The following HHAT variants were observed in gnomAD, a reference collection of about 807,000 sequenced individuals.
The protein encoded by HHAT is hedgehog acyltransferase, also known as protein-cysteine N-palmitoyltransferase HHAT.
HHAT carries 47 observed loss-of-function variants against 70.8 expected under a neutral mutation model. That is an observed-to-expected ratio of 0.66 (90% CI 0.53 to 0.85). The LOEUF (loss-of-function observed/expected upper bound fraction) is 0.85. Ranked by LOEUF, HHAT falls within the 40% of genes least tolerant of loss-of-function variation. The pLI is 0.00. For synonymous variants in HHAT, 228 were observed against 247.6 expected (o/e 0.92, Z 0.74); for missense variants, 609 against 604.8 (o/e 1.01, Z -0.07).
intron 1 of HHAT, among the ~76,000 whole-genome samples, chr1:210,340,563 C>T (rs1214518720): frequency 6.6e-6 from 1 of 152,154 alleles, no homozygotes. Flanking sequence ...TTCAATTTTA[C>T]TCTTATCTCT....
intron 7 of HHAT, among the ~76,000 whole-genome samples, chr1:210,454,817 T>C (rs2093828761): frequency 6.6e-6 from 1 of 152,200 alleles, no homozygotes; most frequent in Non-Finnish European, 1.5e-5. Flanking sequence ...AGAAGCAATT[T>C]TCCAAAACCA....
chr1:210,587,006 CAACCTGCCTAGAAAGCTGGGG>C (rs1660599157), intron 9 of HHAT, among the ~76,000 whole-genome samples: 1 of 152,324 alleles, frequency 6.6e-6, no homozygotes, highest in South Asian at 2.1e-4. Flanking sequence ...TGCTTCTGGG[CAACCTGCCTAGAAAGCTGGGG>C]AACCGTCTCT....
chr1:210,346,421 G>GA (rs2086533237), intron 1 of HHAT, among the ~76,000 whole-genome samples: 1 of 152,206 alleles, frequency 6.6e-6, no homozygotes, highest in South Asian at 2.1e-4. Context: ...AAAAGTTCCA[G>GA]AAAGGAGTCT....
chr1:210,374,079 G>C (rs1284180307), intron 3 of HHAT: 2 of 152,208 alleles, frequency 1.3e-5, no homozygotes, highest in African/African-American at 4.8e-5. Context: ...TAAACAAACA[G>C]TGACAATGAA....
At chr1:210,562,325 A>G (rs2095630538) in intron 9 of HHAT, among the ~76,000 whole-genome samples, 1 of 147,902 alleles carries the variant, frequency 6.8e-6, no homozygotes, top group South Asian at 2.1e-4. Context: ...ACAACACATT[A>G]AGGAATATCA....
intron 7 of HHAT, chr1:210,463,126 C>A (rs1174178132): frequency 6.8e-6 from 1 of 147,478 alleles, no homozygotes; most frequent in East Asian, 2.0e-4. Flanking sequence ...CTCAGGCCTT[C>A]ATGTGAGTTT....
chr1:210,330,886 C>T (rs1365790965), intron 1 of HHAT, among the ~76,000 whole-genome samples: 1 of 152,170 alleles, frequency 6.6e-6, no homozygotes, highest in African/African-American at 2.4e-5. Context: ...TGGCACGATA[C>T]TGGCTCACTG....
chr1:210,545,139 A>G (rs1213373946), intron 9 of HHAT, among the ~76,000 whole-genome samples: 3 of 151,932 alleles, frequency 2.0e-5, no homozygotes. Context: ...TACTCCAGTG[A>G]TTACCAATGC....
At chr1:210,661,305 A>G (rs71638181) in intron 11 of HHAT, among the ~76,000 whole-genome samples, 7,317 of 152,366 alleles carry the variant, frequency 0.048, 271 homozygotes, top group Non-Finnish European at 0.075. Flanking sequence ...CAACAGACAC[A>G]TGAAAAAATG....
rs550937097 is a variant in HHAT at position 210,623,291 on chromosome 1, C to G, written c.1246-235C>G. ...ATATCACTATGTTGCCTAGGCTGGT[C>G]TTGAACTCCTGGGCCCAAGTGATCC... On this transcript the variant is annotated intron_variant, in intron 10 of 11. Transcript: ENST00000261458. 2.6e-5 allele frequency among the ~76,000 whole-genome samples: 4 copies of G among 152,256 alleles called. No homozygotes were observed. In the South Asian group the frequency reaches 8.3e-4, roughly 32 times the overall value.
chr1:210,348,023 G>T (rs1323512221), intron 1 of HHAT, among the ~76,000 whole-genome samples: 1 of 152,166 alleles, frequency 6.6e-6, no homozygotes, highest in Non-Finnish European at 1.5e-5. Context: ...GTGAGGGGCG[G>T]TGGGTAACAA....
At chr1:210,384,606 C>G (rs1383971326) in intron 3 of HHAT, among the ~76,000 whole-genome samples, 6 of 152,164 alleles carry the variant, frequency 3.9e-5, no homozygotes, top group African/African-American at 1.4e-4. Context: ...TGGAGTACAG[C>G]CTCCCTGCTT....
rs901420610 is a variant in HHAT, at chr1:210,462,323, G to A, written c.857-2182G>A. 6 of 152,256 alleles carry A rather than the reference G, an allele frequency of 3.9e-5. No homozygotes were observed. The East Asian group carries it at 7.7e-4, about 20-fold the overall frequency. The allele number at this position is 152,256 out of a possible 1,614,324, so 9.4% of individuals were successfully genotyped here. A position where few individuals can be genotyped will look rare whatever the true frequency, so the allele number is the denominator to read the frequency against. The stretch of plus-strand genomic sequence containing the variant: ...ATTTTCAGCTCTGGAAGCATTGTGC[G>A]CTTTAATCAGTCATTCTTACTTTTA... On this transcript the variant is annotated intron_variant, in intron 7 of 11. Transcript: ENST00000261458.
At chr1:210,446,457 A>G (rs1242317463) in intron 7 of HHAT, among the ~76,000 whole-genome samples, 3 of 152,202 alleles carry the variant, frequency 2.0e-5, no homozygotes, top group Admixed American at 6.5e-5. Context: ...CTTGCTCTAC[A>G]ATGATGTGAC....
chr1:210,438,624 T>G (rs2093434245), intron 7 of HHAT, among the ~76,000 whole-genome samples: 2 of 151,826 alleles, frequency 1.3e-5, no homozygotes, highest in South Asian at 4.1e-4. Flanking sequence ...TTACGGTTAT[T>G]TGGCTGTTTT....
chr1:210,600,186 T>G (rs1663912397), intron 10 of HHAT, among the ~76,000 whole-genome samples: 1 of 152,204 alleles, frequency 6.6e-6, no homozygotes, highest in Admixed American at 6.5e-5. Flanking sequence ...TTGACATAAT[T>G]TATTCCCTCG....
intron 8 of HHAT, among the ~76,000 whole-genome samples, chr1:210,495,959 C>T (rs1417812863): frequency 7.9e-6 from 1 of 125,840 alleles, no homozygotes; most frequent in African/African-American, 3.2e-5. Flanking sequence ...TGCAGTGAAC[C>T]AAGATCACAC....
Position 210,674,481 on chromosome 1 carries a change from T to C in HHAT, c.*102T>C, listed in dbSNP as rs1680824290. On this transcript the variant is annotated 3_prime_UTR_variant, in exon 12 of 12. Coordinates refer to ENST00000261458, the MANE Select transcript of HHAT (RefSeq NM_018194.6). ...ACAGCCTCTAAGGGATTTGATCTGC[T>C]CATCTTCAGTTGAATGCCCTCACTC... 4.8e-6 allele frequency: 4 copies of C among 827,088 alleles called. No homozygotes were observed. The highest frequency in any genetic ancestry group is 7.8e-6 in the Non-Finnish European group (4 of 512,938). The allele number at this position is 827,088 out of a possible 1,614,324, so 51.2% of individuals were successfully genotyped here.
At chr1:210,574,990 A>G (rs1428181504) in intron 9 of HHAT, among the ~76,000 whole-genome samples, 1 of 152,204 alleles carries the variant, frequency 6.6e-6, no homozygotes, top group Non-Finnish European at 1.5e-5. Flanking sequence ...TGGAAAGGAA[A>G]CATCCAGGAG....
Sources: gnomAD v4.1 joint callset for allele counts (sites outside exome capture counted in the v4.1 genomes callset) on GRCh38, gnomAD v4.1.1 for gene constraint, MANE v1.5 for transcripts, NCBI Gene and HGNC (gene_info 2026-07-23, HGNC 2026-07-21) for gene names.